Variants in FAXC observed in about 807,000 individuals in gnomAD.
The protein encoded by FAXC is failed axon connections homolog.
FAXC carries 10 observed loss-of-function variants against 41.9 expected under a neutral mutation model. That is an observed-to-expected ratio of 0.24 (90% CI 0.15 to 0.41). FAXC has a LOEUF of 0.41. Among genes scored for constraint, FAXC ranks in the 10% least tolerant of loss-of-function variants. FAXC has a pLI of 1.00. For synonymous variants in FAXC, 183 were observed against 183.8 expected, an observed-to-expected ratio of 1.00 and a Z score of 0.03; for missense variants, 399 against 510.9, an observed-to-expected ratio of 0.78 and a Z score of 2.11.
At chr6:99,347,716 A>G (rs1280524041) in intron 1 of FAXC, among the ~76,000 whole-genome samples, 1 of 152,258 alleles carries the variant, frequency 6.6e-6, no homozygotes, top group South Asian at 2.1e-4. Flanking sequence ...TTAGACTAGA[A>G]TACAACTGAG....
chr6:99,318,306 C>CACACACAA lies in FAXC; in HGVS notation c.823+5137_823+5138insTTGTGTGT, dbSNP rs147852055. Among the ~76,000 whole-genome samples the CACACACAA allele has an allele frequency of 6.2e-3, 844 of 135,284 alleles. 19 individuals are homozygous for CACACACAA. Among genetic ancestry groups the CACACACAA allele is most frequent in the East Asian group, 0.01 (45 of 4,300 alleles). The allele number at this position is 135,284 out of a possible 152,430, so 88.8% of individuals were successfully genotyped here. A position where few individuals can be genotyped will look rare whatever the true frequency, so the allele number is the denominator to read the frequency against. ...ACACACACACACACACACACACACACAAAATAGAAGAAATGGAAAATATAT... is the reference window on the plus strand; with the variant it reads ...ACACACACACACACACACACACACACACACACAAAAAATAGAAGAAATGGAAAATATAT... On this transcript the variant is annotated intron_variant, in intron 4 of 5. Coordinates refer to ENST00000389677, the MANE Select transcript of FAXC (RefSeq NM_032511.4).
chr6:99,321,542 C>A (rs1482781933), intron 4 of FAXC, among the ~76,000 whole-genome samples: 2 of 152,242 alleles, frequency 1.3e-5, no homozygotes, highest in Non-Finnish European at 2.9e-5. Context: ...CACAACTACA[C>A]TGCTCCCTGG....
rs1392753214 is a variant in FAXC, at chr6:99,271,377, A to G, written c.*9787T>C. 2.0e-5 allele frequency: 3 copies of G among 152,024 alleles called. No individual in the cohort carries two copies. Among genetic ancestry groups the G allele is most frequent in the Non-Finnish European group, 4.4e-5 (3 of 67,982 alleles). 9.4% of individuals were successfully genotyped at this position (152,024 alleles called of 1,614,324 possible). On this transcript the variant is annotated 3_prime_UTR_variant, in exon 6 of 6. Transcript: ENST00000389677. The stretch of plus-strand genomic sequence containing the variant: ...GTAGATCTATTTCAAAGTATTTCTG[A>G]CTAGGGTCTATGTTAATAAACAGGG...
At chr6:99,301,878 T>C (rs1279929361) in intron 4 of FAXC, among the ~76,000 whole-genome samples, 2 of 152,192 alleles carry the variant, frequency 1.3e-5, no homozygotes, top group Admixed American at 6.5e-5. Context: ...AAGTACCTAC[T>C]GGGATTAATA....
intron 4 of FAXC, among the ~76,000 whole-genome samples, chr6:99,294,370 A>C (rs944361043): frequency 1.3e-5 from 2 of 152,330 alleles, no homozygotes; most frequent in African/African-American, 4.8e-5. Flanking sequence ...GGGAAACTGC[A>C]CAGGAGCTCT....
chr6:99,300,244 G>A (rs1414803632), intron 4 of FAXC, among the ~76,000 whole-genome samples: 2 of 152,112 alleles, frequency 1.3e-5, no homozygotes, highest in African/African-American at 4.8e-5. Flanking sequence ...CTATTAATGT[G>A]TCTGAACACC....
Position 99,272,991 on chromosome 6 carries a change from A to T in FAXC, c.*8173T>A, listed in dbSNP as rs1770467779. 6.6e-6 allele frequency: 1 copy of T among 152,254 alleles called. No homozygotes were observed. Among genetic ancestry groups the T allele is most frequent in the Non-Finnish European group, 1.5e-5 (1 of 68,040 alleles). The allele number at this position is 152,254 out of a possible 1,614,324, so 9.4% of individuals were successfully genotyped here. On this transcript the variant is annotated 3_prime_UTR_variant, in exon 6 of 6. Coordinates refer to ENST00000389677, the MANE Select transcript of FAXC (RefSeq NM_032511.4). Reference sequence around the variant, plus strand: ...AAGACCAAATATACAGAATTTCCACATTTATATACAGTAGTCAACATAGTG... The same window carrying T: ...AAGACCAAATATACAGAATTTCCACTTTTATATACAGTAGTCAACATAGTG...
rs771022234 is a variant in FAXC, at chr6:99,333,396, G to C, written c.554C>G (p.Ala185Gly). 3.4e-5 allele frequency: 55 copies of C among 1,613,894 alleles called. No homozygotes were observed. Among genetic ancestry groups the C allele is most frequent in the Non-Finnish European group, 4.7e-5 (55 of 1,179,974 alleles). The change falls in exon 3 of 6, where the codon GCC becomes GGC. Residue 185 changes from alanine to glycine, a missense_variant. Ala to Gly is a moderately conservative substitution (Grantham distance 60). This residue lies in a region of FAXC where 239 missense variants were observed against 352.7 expected (regional missense o/e 0.68). Transcript: ENST00000389677. ...CATCTTGGTCACCGCTCTGGAGATG[G>C]CTCTTTCATGAGGGCCAAGGTTTTT... ...LNKNLGPHER[A>G]ISRAVTKMVE...
At chr6:99,323,728 C>T (rs1772679371) in intron 3 of FAXC, 61 bp from the exon 4 acceptor site, 1 of 1,323,814 alleles carries the variant, frequency 7.6e-7, no homozygotes, top group East Asian at 2.3e-5. Context: ...TCCACAGGGT[C>T]ACTTTAGAAT....
At position 99,349,239 on chromosome 6, in the gene FAXC, A is replaced by T; in HGVS notation, c.134T>A (p.Phe45Tyr). ...GATCCCACCGTAATCCTGCAAAGGG[A>T]AAGCGATGATGTCCCCATAAAAGGA... ...PFSFYGDIIAFPLQDYGGIMA... is the reference protein window; with the variant it reads ...PFSFYGDIIAYPLQDYGGIMA... Residue 45 changes from phenylalanine (F) to tyrosine (Y), a missense_variant, in exon 1 of 6, where the codon TTC (phenylalanine) becomes TAC (tyrosine). Transcript: ENST00000389677. 1.2e-6 allele frequency: 2 copies of T among 1,613,914 alleles called. No individual in the cohort carries two copies. The highest frequency in any genetic ancestry group is 1.7e-6 in the Non-Finnish European group (2 of 1,180,018).
intron 1 of FAXC, among the ~76,000 whole-genome samples, chr6:99,346,565 G>T (rs116959248): frequency 4.8e-3 from 303 of 62,632 alleles, no homozygotes; most frequent in Middle Eastern, 0.036. Context: ...ATTTTTGTGG[G>T]GTTTTTTTGT....
At chr6:99,288,076 C>A (rs547766456) in intron 5 of FAXC, among the ~76,000 whole-genome samples, 16 of 152,150 alleles carry the variant, frequency 1.1e-4, no homozygotes, top group Non-Finnish European at 2.2e-4. Flanking sequence ...CTGATCATTT[C>A]TTTTAAAAGA....
At chr6:99,292,573 A>T (rs180996656) in intron 4 of FAXC, among the ~76,000 whole-genome samples, 1 of 152,186 alleles carries the variant, frequency 6.6e-6, no homozygotes, top group Non-Finnish European at 1.5e-5. Flanking sequence ...TGGAGGGAGC[A>T]CTAGGGGAGA....
At position 99,271,900 on chromosome 6, in the gene FAXC, T is replaced by C. The variant is rs1770415081; in HGVS notation, c.*9264A>G. The C allele has an allele frequency of 6.6e-6, 1 of 152,222 alleles. No homozygotes were observed. Among genetic ancestry groups the C allele is most frequent in the Non-Finnish European group, 1.5e-5 (1 of 68,046 alleles). 9.4% of individuals were successfully genotyped at this position (152,222 alleles called of 1,614,324 possible). The stretch of plus-strand genomic sequence containing the variant: ...GAATTTGAAACATCCTGCATGTCTC[T>C]ATAGATCTTGACATGCCTATAGGCC... On this transcript the variant is annotated 3_prime_UTR_variant, in exon 6 of 6. Transcript: ENST00000389677.
At position 99,348,982 on chromosome 6, in the gene FAXC, T is replaced by C. The variant is rs145839085; in HGVS notation, c.266+125A>G. ...CACAAATGCCTTTAGGGAAAGGTAATTGCAGGGCGCTTGGGCATCTGGGCA... is the reference window on the plus strand; with the variant it reads ...CACAAATGCCTTTAGGGAAAGGTAACTGCAGGGCGCTTGGGCATCTGGGCA... On this transcript the variant is annotated intron_variant, in intron 1 of 5. Transcript: ENST00000389677. 347 of 891,630 alleles carry C rather than the reference T, an allele frequency of 3.9e-4. 1 individual carries two copies. The East Asian group carries it at 5.6e-3, about 14-fold the overall frequency. The allele number at this position is 891,630 out of a possible 1,614,324, so 55.2% of individuals were successfully genotyped here. A position where few individuals can be genotyped will look rare whatever the true frequency, so the allele number is the denominator to read the frequency against.
At chr6:99,286,679 C>A (rs949929771) in intron 5 of FAXC, among the ~76,000 whole-genome samples, 2 of 152,194 alleles carry the variant, frequency 1.3e-5, no homozygotes, top group Non-Finnish European at 2.9e-5. Flanking sequence ...GCTTCAATTT[C>A]ACTTTTCTCA....
At chr6:99,314,462 TACTCAGG>T (rs1266459286) in intron 4 of FAXC, among the ~76,000 whole-genome samples, 1 of 152,190 alleles carries the variant, frequency 6.6e-6, no homozygotes, top group African/African-American at 2.4e-5. Flanking sequence ...TGGTCCCAGC[TACTCAGG>T]ACAATGAGGC....
chr6:99,282,821 A>G (rs1361383963), intron 5 of FAXC, among the ~76,000 whole-genome samples: 5 of 152,256 alleles, frequency 3.3e-5, no homozygotes, highest in Non-Finnish European at 7.3e-5. Context: ...TAAGCAAAAA[A>G]TAAAAGCATT....
chr6:99,303,569 C>G (rs1385352947), intron 4 of FAXC, among the ~76,000 whole-genome samples: 4 of 152,216 alleles, frequency 2.6e-5, no homozygotes, highest in African/African-American at 9.7e-5. Context: ...GACCTTCTAA[C>G]CAGGCAGCAT....
Sources: allele counts gnomAD v4.1 joint callset (sites outside exome capture counted in the v4.1 genomes callset), GRCh38; gene constraint gnomAD v4.1.1; regional missense constraint gnomAD v4.1.1; transcripts MANE v1.5; gene names NCBI Gene and HGNC (gene_info 2026-07-23, HGNC 2026-07-21).